ZMYM2: variants seen among roughly 807,000 people sequenced by gnomAD.
The protein encoded by ZMYM2 is zinc finger MYM-type containing 2, also known as zinc finger MYM-type protein 2.
A neutral mutation model predicts 162.8 loss-of-function variants in ZMYM2; 56 were observed. That is an observed-to-expected ratio of 0.34 (90% CI 0.28 to 0.43). The LOEUF (loss-of-function observed/expected upper bound fraction) is 0.43. Among genes scored for constraint, ZMYM2 ranks in the 20% least tolerant of loss-of-function variants. ZMYM2 has a pLI of 1.00. For synonymous variants in ZMYM2, 510 were observed against 541.6 expected (o/e 0.94, Z 0.81); for missense variants, 1,275 against 1,621.8 (o/e 0.79, Z 3.67).
chr13:19,941,476 T>A, the ZMYM2 span, among the ~76,000 whole-genome samples: 1 of 152,076 alleles, frequency 6.6e-6, no homozygotes, highest in Non-Finnish European at 1.5e-5. Flanking sequence ...AGCAGGGAGC[T>A]TTTATAGGCT....
rs567345452 is a variant in ZMYM2 at position 20,050,459 on chromosome 13, T to C, written c.2293-974T>C. On this transcript the variant is annotated intron_variant, in intron 12 of 24. Coordinates refer to ENST00000610343, the MANE Select transcript of ZMYM2 (RefSeq NM_197968.4). ...CTACGAACTACAAAATACTTAACAG[T>C]TATTACTTTATCAGAATTTCTAAGC... 7.9e-5 allele frequency among the ~76,000 whole-genome samples: 12 copies of C among 152,110 alleles called. No individual in the cohort carries two copies. The East Asian group carries it at 2.1e-3, about 27-fold the overall frequency.
At chr13:20,063,915 TA>T (rs1177220898) in intron 18 of ZMYM2, among the ~76,000 whole-genome samples, 1 of 11,380 alleles carries the variant, frequency 8.8e-5, no homozygotes, top group Non-Finnish European at 5.2e-4. Flanking sequence ...ATATAATATA[TA>T]TTTTATATAT....
intron 3 of ZMYM2, among the ~76,000 whole-genome samples, chr13:19,996,383 C>T (rs1257340122): frequency 6.6e-6 from 1 of 151,956 alleles, no homozygotes; most frequent in East Asian, 1.9e-4. Context: ...GAGTTTCAGA[C>T]CAGCCTCTGG....
the ZMYM2 span, among the ~76,000 whole-genome samples, chr13:19,946,111 C>G: frequency 1.3e-5 from 2 of 152,136 alleles, no homozygotes; most frequent in Admixed American, 6.5e-5. Context: ...TTTGAGGCTA[C>G]CAATGTCAAT....
chr13:19,983,503 A>C lies in ZMYM2; in HGVS notation c.-10-9560A>C, dbSNP rs1263969223. Among the ~76,000 whole-genome samples, 5 of 152,138 alleles carry C rather than the reference A, an allele frequency of 3.3e-5. No homozygotes were observed. The East Asian group carries it at 9.6e-4, about 29-fold the overall frequency. ...TGTAATCACATTGGCTGTTACTTCT[A>C]TAACAGTGCTATATGGTAATAGTAG... is the stretch of plus-strand genomic sequence containing the variant. On this transcript the variant is annotated intron_variant, in intron 2 of 24. Transcript: ENST00000610343.
Position 20,018,995 on chromosome 13 carries a change from G to A in ZMYM2, c.1513-552G>A, listed in dbSNP as rs1182402380. 5.3e-5 allele frequency among the ~76,000 whole-genome samples: 8 copies of A among 150,802 alleles called. 1 individual carries two copies. Among genetic ancestry groups the A allele is most frequent in the East Asian group, 3.9e-4 (2 of 5,128 alleles). Reference sequence around the variant, plus strand: ...CTCAGGAGGTTGAGGTGGGAGAATCGCTTGAACCCAGGAGGTGGAGGTTGC... The same window carrying A: ...CTCAGGAGGTTGAGGTGGGAGAATCACTTGAACCCAGGAGGTGGAGGTTGC... On this transcript the variant is annotated intron_variant, in intron 6 of 24. Coordinates refer to ENST00000610343, the MANE Select transcript of ZMYM2 (RefSeq NM_197968.4).
chr13:19,997,096 T>C (rs1950073016), intron 3 of ZMYM2, among the ~76,000 whole-genome samples: 1 of 152,204 alleles, frequency 6.6e-6, no homozygotes, highest in Non-Finnish European at 1.5e-5. Context: ...GGTTGTCTTT[T>C]AGTCTTTTTT....
chr13:19,953,427 G>A, the ZMYM2 span, among the ~76,000 whole-genome samples: 2 of 152,124 alleles, frequency 1.3e-5, no homozygotes, highest in Admixed American at 6.5e-5. Context: ...GCTCACGCCT[G>A]TAATCCGAGC....
At chr13:19,946,097 C>T in the ZMYM2 span, among the ~76,000 whole-genome samples, 1 of 151,886 alleles carries the variant, frequency 6.6e-6, no homozygotes, top group African/African-American at 2.4e-5. Flanking sequence ...TCGCCACCAC[C>T]CTATTTGAGG....
At chr13:19,965,262 C>T in intron 2 of ZMYM2, 2 of 1,299,536 alleles carry the variant, frequency 1.5e-6, no homozygotes, top group Non-Finnish European at 2.0e-6. Context: ...CACCTGGATA[C>T]CATCTCTGGA....
At chr13:20,034,582 T>C (rs538561384) in intron 11 of ZMYM2, among the ~76,000 whole-genome samples, 178 bp downstream of exon 11, 6 of 152,250 alleles carry the variant, frequency 3.9e-5, no homozygotes, top group African/African-American at 1.4e-4. Flanking sequence ...GGCTTCAAGA[T>C]GGTTTTATCT....
At chr13:20,078,410 GCA>G (rs1199314168) in intron 21 of ZMYM2, among the ~76,000 whole-genome samples, 2 of 152,094 alleles carry the variant, frequency 1.3e-5, no homozygotes, top group African/African-American at 2.4e-5. Context: ...TATATTGTTT[GCA>G]CACAGTGTTT....
rs147173276 is a variant in ZMYM2, at chr13:20,020,624, CTTGTTTT to C, written c.1584+1024_1584+1030del. The stretch of plus-strand genomic sequence containing the variant: ...TGCCACTTTCCCACAGTCACTGAGG[CTTGTTTT>C]TTGTTTTTTGTTTTTTGGTATTGTT... On this transcript the variant is annotated intron_variant, in intron 7 of 24. Coordinates refer to ENST00000610343, the MANE Select transcript of ZMYM2 (RefSeq NM_197968.4). Among the ~76,000 whole-genome samples, 1,515 of 152,170 alleles carry C rather than the reference CTTGTTTT, an allele frequency of 1.0e-2. 11 individuals carry two copies. The highest frequency in any genetic ancestry group is 0.017 in the Non-Finnish European group (1,136 of 67,988).
chr13:20,020,234 C>CTTTTT (rs71198951), intron 7 of ZMYM2, among the ~76,000 whole-genome samples: 1 of 137,222 alleles, frequency 7.3e-6, no homozygotes, highest in African/African-American at 2.6e-5. Flanking sequence ...TATTCCTCTT[C>CTTTTT]TTTTTTTTTT....
Position 20,087,205 on chromosome 13 carries a change from CAG to C in ZMYM2, c.*1194_*1195del, listed in dbSNP as rs1958325097. On this transcript the variant is annotated 3_prime_UTR_variant, in exon 25 of 25. Transcript: ENST00000610343. ...AGAAACTAATAGAGAAAGTCAGTCT[CAG>C]AGGAAATCCCATTTAATGTTAGATT... 1 of 188,186 alleles carries C rather than the reference CAG, an allele frequency of 5.3e-6. No individual in the cohort carries two copies. Among genetic ancestry groups the C allele is most frequent in the Non-Finnish European group, 1.1e-5 (1 of 89,452 alleles). 11.7% of individuals were successfully genotyped at this position (188,186 alleles called of 1,614,324 possible). A position where few individuals can be genotyped will look rare whatever the true frequency, so the allele number is the denominator to read the frequency against.
chr13:20,032,052 G>A (rs1020074640), intron 10 of ZMYM2, among the ~76,000 whole-genome samples: 1 of 151,704 alleles, frequency 6.6e-6, no homozygotes, highest in Non-Finnish European at 1.5e-5. Context: ...TGTATTTTTA[G>A]TAGAGACGGG....
At chr13:20,032,187 A>G (rs1953226971) in intron 10 of ZMYM2, among the ~76,000 whole-genome samples, 1 of 152,138 alleles carries the variant, frequency 6.6e-6, no homozygotes. Context: ...GTGTTTTAAT[A>G]AAACAATAGT....
chr13:20,071,494 T>C (rs1181918036), intron 21 of ZMYM2, among the ~76,000 whole-genome samples: 2 of 152,208 alleles, frequency 1.3e-5, no homozygotes, highest in African/African-American at 4.8e-5. Flanking sequence ...TTGAGGTCCT[T>C]ATTGGTTGCC....
intron 12 of ZMYM2, among the ~76,000 whole-genome samples, chr13:20,047,132 A>G (rs1471431034): frequency 6.6e-6 from 1 of 152,224 alleles, no homozygotes; most frequent in Non-Finnish European, 1.5e-5. Flanking sequence ...TTTCTGTACG[A>G]TCAATATGCA....
Sources: allele counts gnomAD v4.1 joint callset (sites outside exome capture counted in the v4.1 genomes callset), GRCh38; gene constraint gnomAD v4.1.1; transcripts MANE v1.5; gene names NCBI Gene and HGNC (gene_info 2026-07-23, HGNC 2026-07-21).